PCDH9: variants seen among roughly 807,000 people sequenced by gnomAD.
PCDH9 encodes protocadherin 9.
A neutral mutation model predicts 70.6 loss-of-function variants in PCDH9; 24 were observed. That is an observed-to-expected ratio of 0.34 (90% confidence interval 0.25 to 0.48). The LOEUF (loss-of-function observed/expected upper bound fraction) is 0.48. Ranked by LOEUF, PCDH9 falls within the 20% of genes least tolerant of loss-of-function variation. PCDH9 has a pLI of 0.99. For missense variants in PCDH9, 1,281 were observed against 1,503.6 expected (o/e 0.85, Z 2.45); for synonymous variants, 562 against 558.5 (o/e 1.01, Z -0.09).
intron 4 of PCDH9, among the ~76,000 whole-genome samples, chr13:66,442,666 GTT>G (rs10708418): frequency 1.3e-5 from 2 of 151,410 alleles, no homozygotes; most frequent in African/African-American, 2.4e-5. Flanking sequence ...CCAGTTTGTT[GTT>G]TTTTTTTCAG....
At chr13:66,643,100 C>T (rs2077729094) in intron 3 of PCDH9, among the ~76,000 whole-genome samples, 1 of 152,012 alleles carries the variant, frequency 6.6e-6, no homozygotes, top group Middle Eastern at 3.4e-3. Flanking sequence ...TGAAAAGTAA[C>T]ATTCAGATAT....
intron 4 of PCDH9, among the ~76,000 whole-genome samples, chr13:66,505,630 C>T (rs1280515117): frequency 6.6e-6 from 1 of 152,024 alleles, no homozygotes; most frequent in East Asian, 1.9e-4. Flanking sequence ...TACATGGTGG[C>T]AGGCAAGCGA....
chr13:66,327,998 T>G (rs894842070), intron 4 of PCDH9, among the ~76,000 whole-genome samples: 5 of 152,302 alleles, frequency 3.3e-5, no homozygotes, highest in African/African-American at 9.6e-5. Context: ...AGCCTTTAGT[T>G]ACTTATTAAA....
intron 4 of PCDH9, among the ~76,000 whole-genome samples, chr13:66,395,111 C>T (rs1207900057): frequency 6.6e-6 from 1 of 152,120 alleles, no homozygotes; most frequent in Non-Finnish European, 1.5e-5. Context: ...AGTCCTCATA[C>T]ATGAGAACAA....
chr13:66,891,536 T>C (rs1013531921), intron 3 of PCDH9, among the ~76,000 whole-genome samples: 24 of 152,104 alleles, frequency 1.6e-4, no homozygotes, highest in African/African-American at 5.1e-4. Flanking sequence ...TTTAGATAGA[T>C]GTTATGTCCT....
chr13:67,054,887 T>A (rs1449813743), intron 2 of PCDH9, among the ~76,000 whole-genome samples: 1 of 152,124 alleles, frequency 6.6e-6, no homozygotes, highest in East Asian at 1.9e-4. Flanking sequence ...GTCCAAAAAA[T>A]ACATATATTT....
chr13:66,364,776 TA>T (rs1566271685), intron 4 of PCDH9, among the ~76,000 whole-genome samples: 1 of 152,142 alleles, frequency 6.6e-6, no homozygotes. Context: ...ACATCCTTCA[TA>T]GGTGTGAGGT....
At chr13:66,605,577 T>C (rs1397474895) in intron 4 of PCDH9, among the ~76,000 whole-genome samples, 1 of 152,198 alleles carries the variant, frequency 6.6e-6, no homozygotes, top group Non-Finnish European at 1.5e-5. Context: ...ACTTGGCTAC[T>C]GCTGTCTGTT....
intron 2 of PCDH9, among the ~76,000 whole-genome samples, chr13:67,025,691 G>A (rs182450625): frequency 1.3e-5 from 2 of 152,192 alleles, no homozygotes; most frequent in East Asian, 3.9e-4. Context: ...AAAGACTTGA[G>A]TAAATTTTTG....
chr13:66,431,840 T>C (rs1258135034), intron 4 of PCDH9, among the ~76,000 whole-genome samples: 1 of 151,972 alleles, frequency 6.6e-6, no homozygotes, highest in Non-Finnish European at 1.5e-5. Flanking sequence ...TTCATTAGGG[T>C]TTTTATCTCA....
At chr13:66,617,380 C>T (rs2077369077) in intron 4 of PCDH9, among the ~76,000 whole-genome samples, 1 of 152,228 alleles carries the variant, frequency 6.6e-6, no homozygotes, top group Non-Finnish European at 1.5e-5. Context: ...GTCTGTACCT[C>T]TTCCGAATGC....
At chr13:67,074,480 G>A (rs921936614) in intron 2 of PCDH9, among the ~76,000 whole-genome samples, 1 of 152,112 alleles carries the variant, frequency 6.6e-6, no homozygotes, top group Non-Finnish European at 1.5e-5. Context: ...ATCTGGGATG[G>A]ACTAAGACAC....
chr13:66,594,819 A>G (rs1036165385), intron 4 of PCDH9, among the ~76,000 whole-genome samples: 15 of 151,632 alleles, frequency 9.9e-5, no homozygotes, highest in Non-Finnish European at 1.9e-4. Flanking sequence ...TGTCCCTGCA[A>G]AGGACATAAT....
intron 2 of PCDH9, chr13:67,210,800 T>G (rs2089452711): frequency 6.6e-6 from 1 of 152,022 alleles, no homozygotes; most frequent in South Asian, 2.1e-4. Flanking sequence ...TAAGTACTGA[T>G]TTTAATAACC....
chr13:67,144,752 T>C (rs1000147786), intron 2 of PCDH9, among the ~76,000 whole-genome samples: 1 of 152,176 alleles, frequency 6.6e-6, no homozygotes, highest in Non-Finnish European at 1.5e-5. Context: ...AAGGTGAGTA[T>C]GGTATACATT....
chr13:67,132,979 C>A (rs1053155296), intron 2 of PCDH9, among the ~76,000 whole-genome samples: 3 of 152,052 alleles, frequency 2.0e-5, no homozygotes, highest in Admixed American at 2.0e-4. Context: ...CTTAAAATGG[C>A]ATCTTTTTAT....
intron 2 of PCDH9, 103 bp downstream of exon 2, chr13:67,225,302 T>C (rs2089828204): frequency 7.4e-7 from 1 of 1,355,210 alleles, no homozygotes; most frequent in African/African-American, 1.5e-5. Flanking sequence ...TCTTTCTAAC[T>C]AAGCTAAAGT....
intron 4 of PCDH9, among the ~76,000 whole-genome samples, chr13:66,522,636 A>G (rs1960048018): frequency 2.0e-5 from 3 of 152,024 alleles, no homozygotes; most frequent in African/African-American, 4.8e-5. Context: ...CCCTAAGTCC[A>G]ATGACAAGTG....
intron 4 of PCDH9, among the ~76,000 whole-genome samples, chr13:66,379,367 T>A (rs527676922): frequency 6.6e-6 from 1 of 152,306 alleles, no homozygotes; most frequent in East Asian, 1.9e-4. Flanking sequence ...GTGTTACTAA[T>A]ATTAAAATTA....
Sources: allele counts gnomAD v4.1 joint callset (sites outside exome capture counted in the v4.1 genomes callset), GRCh38; gene constraint gnomAD v4.1.1; transcripts MANE v1.5; gene names NCBI Gene and HGNC (gene_info 2026-07-23, HGNC 2026-07-21).